The following TEX29 variants were observed in gnomAD, a reference collection of about 807,000 sequenced individuals.
TEX29 encodes the protein testis expressed 29, also known as testis-expressed protein 29.
Under a neutral mutation model 18.2 loss-of-function variants are expected in TEX29, and 26 were observed. The ratio of observed to expected loss-of-function variants is 1.43; its 90% CI spans 1.04 to 1.98. The LOEUF is 1.98. Ranked by LOEUF, TEX29 falls within the 30% of genes most tolerant of loss-of-function variation. The probability of loss-of-function intolerance (pLI) is 0.00; values close to 1 mark genes in which losing one functional copy is unlikely to be tolerated. For synonymous variants in TEX29, 83 were observed against 78.5 expected (o/e 1.06, Z -0.31); for missense variants, 177 against 194.2 (o/e 0.91, Z 0.53).
At chr13:111,337,528 C>T (rs558444232) in intron 3 of TEX29, among the ~76,000 whole-genome samples, 3 of 152,092 alleles carry the variant, frequency 2.0e-5, no homozygotes, top group Non-Finnish European at 2.9e-5. Context: ...TACCTGGTCT[C>T]GGGGGTTAGA....
intron 3 of TEX29, among the ~76,000 whole-genome samples, chr13:111,338,030 A>G (rs1037739294): frequency 3.9e-5 from 6 of 152,168 alleles, no homozygotes; most frequent in African/African-American, 1.4e-4. Context: ...CACCTCATCC[A>G]TTGCTGGTGG....
At chr13:111,321,350 C>T (rs2093664217) in intron 2 of TEX29, among the ~76,000 whole-genome samples, 2 of 152,152 alleles carry the variant, frequency 1.3e-5, no homozygotes, top group African/African-American at 4.8e-5. Context: ...CCTTTCCCCA[C>T]CCGGGCAACT....
At chr13:111,325,361 G>A (rs1031894105) in intron 2 of TEX29, among the ~76,000 whole-genome samples, 6 of 152,216 alleles carry the variant, frequency 3.9e-5, no homozygotes, top group African/African-American at 1.4e-4. Flanking sequence ...GGTGTGGAGG[G>A]CCTACTGGAG....
chr13:111,343,211 T>G (rs1049273872), intron 5 of TEX29, among the ~76,000 whole-genome samples: 3 of 152,076 alleles, frequency 2.0e-5, no homozygotes, highest in Admixed American at 2.0e-4. Flanking sequence ...GGGCCCTCAT[T>G]GTTAGTGTGG....
intron 2 of TEX29, among the ~76,000 whole-genome samples, chr13:111,322,230 G>A (rs1161731257): frequency 6.6e-6 from 1 of 152,232 alleles, no homozygotes; most frequent in Non-Finnish European, 1.5e-5. Flanking sequence ...GTCCACAAGA[G>A]GGGTCTTTGC....
intron 2 of TEX29, among the ~76,000 whole-genome samples, chr13:111,325,047 T>C (rs1007533816): frequency 2.0e-5 from 3 of 152,094 alleles, no homozygotes; most frequent in Non-Finnish European, 2.9e-5. Context: ...ATTCATGGGA[T>C]GAGCTTTGAA....
chr13:111,339,863 T>C lies in TEX29; in HGVS notation c.170T>C (p.Ile57Thr), dbSNP rs189186033. Reference sequence around the variant, plus strand: ...GACTTCAAATCCCACCATTTTTCAGTTTACATCCACGTGTTCTCTGCCTTG... The same window carrying C: ...GACTTCAAATCCCACCATTTTTCAGCTTACATCCACGTGTTCTCTGCCTTG... ...EGVCYKKAVP[I>T]YIHVFSALIV... Residue 57 changes from isoleucine (I) to threonine (T), a missense_variant and splice_region_variant, in exon 4 of 6, where the codon ATT becomes ACT. Coordinates refer to ENST00000283547, the MANE Select transcript of TEX29 (RefSeq NM_152324.3). 1.2e-6 allele frequency: 2 copies of C among 1,613,986 alleles called. No homozygotes were observed. Among genetic ancestry groups the C allele is most frequent in the Non-Finnish European group, 1.7e-6 (2 of 1,179,884 alleles).
upstream of TEX29, among the ~76,000 whole-genome samples, chr13:111,316,846 T>C (rs985964315): frequency 1.3e-5 from 2 of 152,156 alleles, no homozygotes; most frequent in East Asian, 1.9e-4. Context: ...CGGTTCCACA[T>C]GGCTGAGGAG....
chr13:111,337,798 A>G (rs2093691553), intron 3 of TEX29, among the ~76,000 whole-genome samples: 1 of 152,306 alleles, frequency 6.6e-6, no homozygotes, highest in Admixed American at 6.5e-5. Flanking sequence ...GCTCCTCGGT[A>G]CATGCACATT....
At chr13:111,323,185 T>G (rs1320638620) in intron 2 of TEX29, among the ~76,000 whole-genome samples, 1 of 152,148 alleles carries the variant, frequency 6.6e-6, no homozygotes, top group African/African-American at 2.4e-5. Flanking sequence ...CCACACTCAC[T>G]CATCCGGGAC....
upstream of TEX29, among the ~76,000 whole-genome samples, chr13:111,320,183 A>G (rs1297202578): frequency 6.6e-6 from 1 of 152,184 alleles, no homozygotes; most frequent in Non-Finnish European, 1.5e-5. Flanking sequence ...GCCCTGATCC[A>G]GCCTGGCCCA....
At chr13:111,323,608 T>C (rs2093668224) in intron 2 of TEX29, among the ~76,000 whole-genome samples, 1 of 152,198 alleles carries the variant, frequency 6.6e-6, no homozygotes, top group Admixed American at 6.5e-5. Context: ...TGTGGACATA[T>C]TTGGACTCTC....
In TEX29 at chr13:111,326,553, A is replaced by G. The variant is rs576777373; in HGVS notation, c.59-1630A>G. Among the ~76,000 whole-genome samples, 40 of 135,796 alleles carry G rather than the reference A, an allele frequency of 2.9e-4. 1 individual carries two copies. Among genetic ancestry groups the G allele is most frequent in the African/African-American group, 1.1e-3 (40 of 36,334 alleles). The allele number at this position is 135,796 out of a possible 152,430, so 89.1% of individuals were successfully genotyped here. A position where few individuals can be genotyped will look rare whatever the true frequency, so the allele number is the denominator to read the frequency against. On this transcript the variant is annotated intron_variant, in intron 2 of 5. Coordinates refer to ENST00000283547, the MANE Select transcript of TEX29 (RefSeq NM_152324.3). ...GTCTGGTGGGGTGGAGACTGCGGGC[A>G]ACGCGAGCCTGGTGCTGGCGGGTGT... is the stretch of plus-strand genomic sequence containing the variant.
chr13:111,331,277 C>G (rs1025574791), intron 3 of TEX29, among the ~76,000 whole-genome samples: 1 of 146,648 alleles, frequency 6.8e-6, no homozygotes, highest in Non-Finnish European at 1.5e-5. Flanking sequence ...GGTTTTGATT[C>G]ATATTATTCT....
intron 3 of TEX29, among the ~76,000 whole-genome samples, chr13:111,333,969 T>A (rs2477470): frequency 0.87 from 132,665 of 152,246 alleles, 57,914 homozygotes; most frequent in East Asian, 0.95. Flanking sequence ...ATAAAATATT[T>A]TCCTTTTACT....
chr13:111,319,110 T>G (rs2093659451), upstream of TEX29, among the ~76,000 whole-genome samples: 1 of 152,170 alleles, frequency 6.6e-6, no homozygotes. Flanking sequence ...TTCCAAGGCC[T>G]CGCCTCCTAA....
chr13:111,342,603 G>A (rs946966977), intron 4 of TEX29, among the ~76,000 whole-genome samples, 153 bp from the exon 5 acceptor site: 2 of 147,140 alleles, frequency 1.4e-5, no homozygotes, highest in Admixed American at 6.8e-5. Context: ...ACGAAAATGA[G>A]AACTATTACA....
chr13:111,329,094 A>G (rs1303321135), intron 3 of TEX29, among the ~76,000 whole-genome samples: 1 of 152,106 alleles, frequency 6.6e-6, no homozygotes, highest in Non-Finnish European at 1.5e-5. Context: ...AACCCTCATC[A>G]AGGTCCACGT....
chr13:111,320,948 G>A lies in TEX29; in HGVS notation c.58G>A (p.Val20Met). The A allele has an allele frequency of 6.7e-7, 1 of 1,485,600 alleles. No homozygotes were observed. 92.0% of individuals were successfully genotyped at this position (1,485,600 alleles called of 1,614,324 possible). ...SPRHLLKQFT[V>M]CDVPLYDICD... ...GCGGCACCTCCTGAAGCAATTCACA[G>A]GTATGGAGGGAAGGCGCCAGGGGGG... is the stretch of plus-strand genomic sequence containing the variant. Residue 20 changes from valine (V) to methionine (M), a missense_variant and splice_region_variant, in exon 2 of 6, where the codon GTG becomes ATG. Physicochemically the swap from Val to Met is conservative, Grantham distance 21 (BLOSUM62 1). Coordinates refer to ENST00000283547, the MANE Select transcript of TEX29 (RefSeq NM_152324.3).
Sources: gnomAD v4.1 joint callset for allele counts (sites outside exome capture counted in the v4.1 genomes callset) on GRCh38, gnomAD v4.1.1 for gene constraint, MANE v1.5 for transcripts, NCBI Gene and HGNC (gene_info 2026-07-23, HGNC 2026-07-21) for gene names.